The following CLEC4G variants were observed in gnomAD, a reference collection of about 807,000 sequenced individuals.
CLEC4G encodes C-type lectin domain family 4 member G, also known as C-type lectin superfamily 4, member G.
CLEC4G carries 34 observed loss-of-function variants against 37.0 expected under a neutral mutation model. The ratio of observed to expected loss-of-function variants is 0.92; its 90% CI spans 0.70 to 1.22. The LOEUF (loss-of-function observed/expected upper bound fraction) is 1.22, where lower values mean the gene tolerates loss of function less well. Ranked by LOEUF, CLEC4G falls within the 50% of genes most tolerant of loss-of-function variation. CLEC4G has a pLI of 0.00. For synonymous variants in CLEC4G, 167 were observed against 165.6 expected (o/e 1.01, Z -0.06); for missense variants, 390 against 392.9 (o/e 0.99, Z 0.06).
At chr19:7,731,350 G>A (rs1440473081) in intron 2 of CLEC4G, 31 bp from the exon 3 acceptor site, 3 of 1,547,118 alleles carry the variant, frequency 1.9e-6, no homozygotes, top group Admixed American at 3.9e-5. Flanking sequence ...AGGCGAGGCC[G>A]GGAACTCGGG....
chr19:7,730,757 C>A lies in CLEC4G; in HGVS notation c.386G>T (p.Arg129Leu), dbSNP rs1250842245. The A allele has an allele frequency of 6.5e-7, 1 of 1,531,582 alleles. No homozygotes were observed. Among genetic ancestry groups the A allele is most frequent in the Admixed American group, 2.0e-5 (1 of 50,806 alleles). The allele number at this position is 1,531,582 out of a possible 1,614,324, so 94.9% of individuals were successfully genotyped here. The change falls in exon 5 of 9, where the codon CGC (arginine) becomes CTC (leucine). Residue 129 changes from arginine (R) to leucine (L), a missense_variant and splice_region_variant. Physicochemically the swap from Arg to Leu is moderately radical, Grantham distance 102. Coordinates refer to ENST00000328853, the MANE Select transcript of CLEC4G (RefSeq NM_198492.4). The surrounding 1 kb of genome is among the most constrained non-coding windows in gnomAD (Gnocchi z 7.3). ...CCGGGGTCGCGTCGGGCCCTCACCG[C>A]GCTCACGCAGTTCCCGCAGGGCGCT... Reference protein sequence around the residue: ...QESALRELRERVTQGLAEAGR... With the variant: ...QESALRELRELVTQGLAEAGR...
intron 1 of CLEC4G, 48 bp from the exon 2 acceptor site, chr19:7,731,819 G>A (rs1333655003): frequency 6.3e-7 from 1 of 1,585,774 alleles, no homozygotes; most frequent in Non-Finnish European, 8.6e-7. Flanking sequence ...CTGAGCCCTG[G>A]AGGCCTGAGT....
At position 7,731,654 on chromosome 19, in the gene CLEC4G, C is replaced by T. The variant is rs1235721039; in HGVS notation, c.166+7G>A. 1 of 1,613,294 alleles carries T rather than the reference C, an allele frequency of 6.2e-7. No homozygotes were observed. Among genetic ancestry groups the T allele is most frequent in the Non-Finnish European group, 8.5e-7 (1 of 1,179,666 alleles). The stretch of plus-strand genomic sequence containing the variant: ...GATGCAACACCTCCCCATTGAGAGT[C>T]ACTCACCCTTGGACAATAGGATACT... On this transcript the variant is annotated splice_region_variant and intron_variant, in intron 2 of 8. Coordinates refer to ENST00000328853, the MANE Select transcript of CLEC4G (RefSeq NM_198492.4).
rs958030782 is a variant in CLEC4G at position 7,730,268 on chromosome 19, GAC to G, written c.478+81_478+82del. On this transcript the variant is annotated intron_variant, in intron 6 of 8. Transcript: ENST00000328853. The surrounding 1 kb of genome is among the most constrained non-coding windows in gnomAD (Gnocchi z 7.3). ...TCGGCCCCGCGGGCTCAGGGGTGGA[GAC>G]ACAGAACCAGGCCAAGGTCCAGGAG... is the stretch of plus-strand genomic sequence containing the variant. 19 of 1,572,982 alleles carry G rather than the reference GAC, an allele frequency of 1.2e-5. No individual in the cohort carries two copies. In the African/African-American group the frequency reaches 1.2e-4, roughly 10 times the overall value.
At chr19:7,731,192 G>T in intron 3 of CLEC4G, 74 bp downstream of exon 3, 2 of 1,574,006 alleles carry the variant, frequency 1.3e-6, no homozygotes, top group Non-Finnish European at 1.7e-6. Context: ...ACGCACTCGA[G>T]ACTCCATCTC....
chr19:7,731,143 AG>A (rs2033425698), intron 3 of CLEC4G, 55 bp from the exon 4 acceptor site: 1 of 1,598,642 alleles, frequency 6.3e-7, no homozygotes, highest in Non-Finnish European at 8.5e-7. Flanking sequence ...GGGAGGACTC[AG>A]GGGACCCCCT....
chr19:7,730,824 C>A lies in CLEC4G; in HGVS notation c.319G>T (p.Ala107Ser). Residue 107 changes from alanine (A) to serine (S), a missense_variant, in exon 5 of 9, where the codon GCG becomes TCG. Transcript: ENST00000328853. This position sits in a 1 kb window ranked among gnomAD's most constrained non-coding sequence, Gnocchi z 7.3. ...GTQAQLQTTR[A>S]ELGEAQAKLM... ...TTCGCCTGCGCCTCCCCAAGCTCCGCGCGCGTGGTCTGCAGCTGCGCCTGC... is the reference window on the plus strand; with the variant it reads ...TTCGCCTGCGCCTCCCCAAGCTCCGAGCGCGTGGTCTGCAGCTGCGCCTGC... The A allele has an allele frequency of 6.5e-7, 1 of 1,532,372 alleles. No individual in the cohort carries two copies. Among genetic ancestry groups the A allele is most frequent in the Non-Finnish European group, 8.7e-7 (1 of 1,145,844 alleles). The allele number at this position is 1,532,372 out of a possible 1,614,324, so 94.9% of individuals were successfully genotyped here. A position where few individuals can be genotyped will look rare whatever the true frequency, so the allele number is the denominator to read the frequency against.
chr19:7,730,191 A>G lies in CLEC4G; in HGVS notation c.479-24T>C, dbSNP rs749863098. The G allele has an allele frequency of 1.9e-6, 3 of 1,607,990 alleles. No homozygotes were observed. The highest frequency in any genetic ancestry group is 2.2e-5 in the South Asian group (2 of 90,546). On this transcript the variant is annotated intron_variant, in intron 6 of 8. Transcript: ENST00000328853. The surrounding 1 kb of genome is among the most constrained non-coding windows in gnomAD (Gnocchi z 7.3). ...GTCTGCGGGGTGGCGAGGGTCAGAGAGGTCGCGTGCTTCCAGGGGCAACGC... is the reference window on the plus strand; with the variant it reads ...GTCTGCGGGGTGGCGAGGGTCAGAGGGGTCGCGTGCTTCCAGGGGCAACGC...
In CLEC4G at chr19:7,729,396, G is replaced by T; in HGVS notation, c.852C>A (p.Gly284=). ...AGTTGTGCCTTTTCTCACAGATCCAGCCGTCCTTCTCGCTGTCACACGGTG... is the reference window on the plus strand; with the variant it reads ...AGTTGTGCCTTTTCTCACAGATCCATCCGTCCTTCTCGCTGTCACACGGTG... The part of the protein sequence containing the change: ...NDAPCDSEKD[G]WICEKRHNC Residue 284 remains glycine, a synonymous_variant, in exon 9 of 9, where the codon GGC becomes GGA. Coordinates refer to ENST00000328853, the MANE Select transcript of CLEC4G (RefSeq NM_198492.4). The T allele has an allele frequency of 6.2e-7, 1 of 1,609,378 alleles. No homozygotes were observed. The highest frequency in any genetic ancestry group is 8.5e-7 in the Non-Finnish European group (1 of 1,176,064).
chr19:7,731,382 G>T lies in CLEC4G; in HGVS notation c.167-63C>A, dbSNP rs796125235. 28 of 1,528,484 alleles carry T rather than the reference G, an allele frequency of 1.8e-5. No homozygotes were observed. In the African/African-American group the frequency reaches 3.4e-4, roughly 19 times the overall value. The allele number at this position is 1,528,484 out of a possible 1,614,324, so 94.7% of individuals were successfully genotyped here. On this transcript the variant is annotated intron_variant, in intron 2 of 8. Coordinates refer to ENST00000328853, the MANE Select transcript of CLEC4G (RefSeq NM_198492.4). ...CGGGAATCCTCCCCTCGCCCGGGGG[G>T]TGCAGCGTCCCCCAACTCGGGAGCA...
rs1744359649 is a variant in CLEC4G, at chr19:7,730,235, G to T, written c.479-68C>A. ...GCAACGCACCGAGAGGATGCAGTGGGTAGGGGTTCGGCCCCGCGGGCTCAG... is the reference window on the plus strand; with the variant it reads ...GCAACGCACCGAGAGGATGCAGTGGTTAGGGGTTCGGCCCCGCGGGCTCAG... On this transcript the variant is annotated intron_variant, in intron 6 of 8. Coordinates refer to ENST00000328853, the MANE Select transcript of CLEC4G (RefSeq NM_198492.4). This position sits in a 1 kb window ranked among gnomAD's most constrained non-coding sequence, Gnocchi z 7.3. 5.0e-6 allele frequency: 8 copies of T among 1,585,314 alleles called. No homozygotes were observed. Among genetic ancestry groups the T allele is most frequent in the South Asian group, 1.1e-5 (1 of 88,780 alleles).
intron 1 of CLEC4G, 124 bp from the exon 2 acceptor site, chr19:7,731,895 G>A (rs898882593): frequency 5.9e-6 from 9 of 1,523,566 alleles, no homozygotes; most frequent in South Asian, 1.3e-5. Context: ...GCTTCTAAGC[G>A]GCAGAGTTGG....
intron 3 of CLEC4G, 89 bp from the exon 4 acceptor site, chr19:7,731,177 C>T (rs1234616468): frequency 6.3e-7 from 1 of 1,580,100 alleles, no homozygotes; most frequent in Non-Finnish European, 8.6e-7. Flanking sequence ...GACCATAGGG[C>T]CCCCACGCAC....
At position 7,729,180 on chromosome 19, in the gene CLEC4G, A is replaced by G. The variant is rs202070998; in HGVS notation, c.*186T>C. On this transcript the variant is annotated 3_prime_UTR_variant, in exon 9 of 9. Transcript: ENST00000328853. ...TGAGTGGAGTTAGGATGAGGTCGGCATGGAGGTCCCAGAGCCCAGGCACTG... is the reference window on the plus strand; with the variant it reads ...TGAGTGGAGTTAGGATGAGGTCGGCGTGGAGGTCCCAGAGCCCAGGCACTG... 4.2e-3 allele frequency: 2,948 copies of G among 694,942 alleles called. 49 individuals are homozygous for G. The highest frequency in any genetic ancestry group is 0.021 in the South Asian group (1,429 of 66,762). The allele number at this position is 694,942 out of a possible 1,614,324, so 43.0% of individuals were successfully genotyped here. A position where few individuals can be genotyped will look rare whatever the true frequency, so the allele number is the denominator to read the frequency against.
At chr19:7,731,118 C>T in intron 3 of CLEC4G, 30 bp from the exon 4 acceptor site, 1 of 1,604,044 alleles carries the variant, frequency 6.2e-7, no homozygotes, top group Non-Finnish European at 8.5e-7. Flanking sequence ...AAAATGCATG[C>T]CCCTCGGGTC....
chr19:7,730,157 C>T lies in CLEC4G; in HGVS notation c.489G>A (p.Glu163=), dbSNP rs776721083. The part of the protein sequence containing the change: ...EAVRLQNNSC[E]PCPTSWLSFE... ...AGGACAGCCACGACGTGGGGCACGG[C>T]TCGCAGGAGTCTGCGGGGTGGCGAG... Residue 163 remains glutamate (E), a synonymous_variant, in exon 7 of 9, where the codon GAG becomes GAA. Transcript: ENST00000328853. This position sits in a 1 kb window ranked among gnomAD's most constrained non-coding sequence, Gnocchi z 7.3. 28 of 1,612,384 alleles carry T rather than the reference C, an allele frequency of 1.7e-5. No individual in the cohort carries two copies. Among genetic ancestry groups the T allele is most frequent in the Non-Finnish European group, 2.4e-5 (28 of 1,179,504 alleles).
At chr19:7,731,118 C>A in intron 3 of CLEC4G, 30 bp from the exon 4 acceptor site, 2 of 1,604,044 alleles carry the variant, frequency 1.2e-6, no homozygotes, top group South Asian at 1.1e-5. Flanking sequence ...AAAATGCATG[C>A]CCCTCGGGTC....
rs564057226 is a variant in CLEC4G at position 7,729,143 on chromosome 19, G to A, written c.*223C>T. 1,069 of 672,034 alleles carry A rather than the reference G, an allele frequency of 1.6e-3. 1 individual carries two copies. The highest frequency in any genetic ancestry group is 4.1e-3 in the Admixed American group (200 of 49,050). 41.6% of individuals were successfully genotyped at this position (672,034 alleles called of 1,614,324 possible). Reference sequence around the variant, plus strand: ...GGATTTTGGAGCTAGTGGAGGTTAGGTTGGGTCTGCGTGAGTGGAGTTAGG... The same window carrying A: ...GGATTTTGGAGCTAGTGGAGGTTAGATTGGGTCTGCGTGAGTGGAGTTAGG... On this transcript the variant is annotated 3_prime_UTR_variant, in exon 9 of 9. Coordinates refer to ENST00000328853, the MANE Select transcript of CLEC4G (RefSeq NM_198492.4).
rs114234846 is a variant in CLEC4G at position 7,729,108 on chromosome 19, G to A, written c.*258C>T. Reference sequence around the variant, plus strand: ...AGAAGTGGAGGCATATCACGGGGACGCAGGAGCAGGGATTTTGGAGCTAGT... The same window carrying A: ...AGAAGTGGAGGCATATCACGGGGACACAGGAGCAGGGATTTTGGAGCTAGT... On this transcript the variant is annotated 3_prime_UTR_variant, in exon 9 of 9. Coordinates refer to ENST00000328853, the MANE Select transcript of CLEC4G (RefSeq NM_198492.4). 6.7e-3 allele frequency: 4,106 copies of A among 615,232 alleles called. 87 individuals carry two copies. Among genetic ancestry groups the A allele is most frequent in the African/African-American group, 0.035 (1,911 of 55,260 alleles). The allele number at this position is 615,232 out of a possible 1,614,324, so 38.1% of individuals were successfully genotyped here. A position where few individuals can be genotyped will look rare whatever the true frequency, so the allele number is the denominator to read the frequency against.
Sources: gnomAD v4.1 joint callset for allele counts on GRCh38, gnomAD v4.1.1 for gene constraint, Gnocchi (gnomAD v3.1) non-coding constraint, MANE v1.5 for transcripts, NCBI Gene and HGNC (gene_info 2026-07-23, HGNC 2026-07-21) for gene names.